Variants in EFCAB13 observed in about 807,000 individuals in gnomAD.
EFCAB13 encodes EF-hand calcium binding domain 13.
A neutral mutation model predicts 110.2 loss-of-function variants in EFCAB13; 91 were observed. The ratio of observed to expected loss-of-function variants is 0.83; its 90% CI spans 0.70 to 0.98. The LOEUF (loss-of-function observed/expected upper bound fraction) is 0.98, where lower values mean the gene tolerates loss of function less well. EFCAB13 is among the 50% of genes least tolerant of loss of function. EFCAB13 has a pLI of 0.00. For missense variants in EFCAB13, 968 were observed against 1,119.4 expected (o/e 0.86, Z 1.93); for synonymous variants, 323 against 369.9 (o/e 0.87, Z 1.45).
chr17:47,424,573 C>T (rs992355421), intron 23 of EFCAB13, among the ~76,000 whole-genome samples: 4 of 152,112 alleles, frequency 2.6e-5, no homozygotes, highest in African/African-American at 7.2e-5. Context: ...CAGTTGCTTT[C>T]ATCACAGCCT....
chr17:47,325,939 T>TATAAACAAA (rs2065282146), intron 2 of EFCAB13, among the ~76,000 whole-genome samples: 1 of 50,610 alleles, frequency 2.0e-5, no homozygotes, highest in East Asian at 5.6e-4. Context: ...TATATATATA[T>TATAAACAAA]ATATATATAT....
intron 24 of EFCAB13, among the ~76,000 whole-genome samples, chr17:47,437,227 G>A (rs142576386): frequency 6.6e-6 from 1 of 152,184 alleles, no homozygotes; most frequent in Admixed American, 6.5e-5. Flanking sequence ...AATAGAATGT[G>A]TCTTCTGCAG....
At chr17:47,360,129 G>C (rs2065504668) in intron 9 of EFCAB13, among the ~76,000 whole-genome samples, 1 of 152,048 alleles carries the variant, frequency 6.6e-6, no homozygotes, top group African/African-American at 2.4e-5. Context: ...ATAGTCCTTT[G>C]GGTATATACC....
At chr17:47,397,740 CGCCCCGTCT>C (rs2065750195) in intron 17 of EFCAB13, among the ~76,000 whole-genome samples, 1 of 151,440 alleles carries the variant, frequency 6.6e-6, no homozygotes, top group Non-Finnish European at 1.5e-5. Flanking sequence ...TCTGCCCGGC[CGCCCCGTCT>C]GAGAAGTGAG....
intron 23 of EFCAB13, among the ~76,000 whole-genome samples, chr17:47,428,285 A>G (rs1905027046): frequency 6.6e-6 from 1 of 152,006 alleles, no homozygotes; most frequent in Non-Finnish European, 1.5e-5. Context: ...GTAGTGTTCT[A>G]TGGCTCACAT....
At chr17:47,334,779 A>G (rs1373736888) in intron 4 of EFCAB13, among the ~76,000 whole-genome samples, 1 of 151,928 alleles carries the variant, frequency 6.6e-6, no homozygotes, top group Non-Finnish European at 1.5e-5. Flanking sequence ...GCCACGCATG[A>G]TGGTGCATGT....
intron 5 of EFCAB13, among the ~76,000 whole-genome samples, chr17:47,337,334 A>G (rs759043709): frequency 1.3e-5 from 2 of 152,192 alleles, no homozygotes; most frequent in African/African-American, 4.8e-5. Flanking sequence ...ACATGGACAT[A>G]CAGAGTAGAA....
At chr17:47,414,156 A>T (rs1904342813) in intron 22 of EFCAB13, among the ~76,000 whole-genome samples, 1 of 151,838 alleles carries the variant, frequency 6.6e-6, no homozygotes, top group Non-Finnish European at 1.5e-5. Context: ...TTTTGTTTAA[A>T]CTCAAAGTCT....
intron 14 of EFCAB13, 36 bp downstream of exon 14, chr17:47,379,289 G>A (rs747844662): frequency 2.6e-6 from 4 of 1,510,878 alleles, no homozygotes; most frequent in Non-Finnish European, 3.7e-6. Context: ...GATTTAGAGG[G>A]AAGAGCAGTG....
At chr17:47,419,827 TC>T (rs1186350053) in intron 23 of EFCAB13, among the ~76,000 whole-genome samples, 1 of 152,100 alleles carries the variant, frequency 6.6e-6, no homozygotes, top group African/African-American at 2.4e-5. Flanking sequence ...AACATTGTAT[TC>T]TATATTAAAG....
Position 47,429,843 on chromosome 17 carries a change from CCAAATTCTCCAGAATGATCTAGTTGA to C in EFCAB13, c.2521_2546del (p.Gln841CysfsTer3), listed in dbSNP as rs769392522. On this transcript the variant is annotated frameshift_variant, in exon 24 of 25. Coordinates refer to ENST00000331493, the MANE Select transcript of EFCAB13 (RefSeq NM_152347.5). LOFTEE classifies it high-confidence loss of function. ...CTACACAGATACTCTTAGCTACTACCCAAATTCTCCAGAATGATCTAGTTGATGTCTCTGACCTCAAGACATTATTG... is the reference window on the plus strand; with the variant it reads ...CTACACAGATACTCTTAGCTACTACCTGTCTCTGACCTCAAGACATTATTG... 1.2e-6 allele frequency: 2 copies of C among 1,608,008 alleles called. No individual in the cohort carries two copies. The highest frequency in any genetic ancestry group is 1.7e-6 in the Non-Finnish European group (2 of 1,176,356).
At chr17:47,410,127 AAAAG>A (rs2143463663) in intron 21 of EFCAB13, among the ~76,000 whole-genome samples, 1 of 152,238 alleles carries the variant, frequency 6.6e-6, no homozygotes, top group East Asian at 1.9e-4. Flanking sequence ...ATAAAAAAAA[AAAAG>A]AGATTCATTT....
Position 47,380,343 on chromosome 17 carries a change from T to C in EFCAB13, c.1582+1090T>C, listed in dbSNP as rs1431929361. Among the ~76,000 whole-genome samples the C allele has an allele frequency of 2.0e-5, 3 of 152,164 alleles. No homozygotes were observed. The East Asian group carries it at 5.8e-4, about 29-fold the overall frequency. ...AGAACATGTGGTGTTTGGTTTTCTG[T>C]TCCTGCGTTAGTTTGCTGAGGATGA... On this transcript the variant is annotated intron_variant, in intron 14 of 24. Coordinates refer to ENST00000331493, the MANE Select transcript of EFCAB13 (RefSeq NM_152347.5).
chr17:47,397,149 T>C (rs1043177793), intron 17 of EFCAB13, among the ~76,000 whole-genome samples: 1 of 149,880 alleles, frequency 6.7e-6, no homozygotes. Context: ...GTGCCTGCAA[T>C]TGCAGGCGCG....
intron 9 of EFCAB13, among the ~76,000 whole-genome samples, chr17:47,358,788 A>G (rs75843453): frequency 2.0e-5 from 3 of 152,172 alleles, no homozygotes; most frequent in African/African-American, 4.8e-5. Flanking sequence ...CTGGTTTTCA[A>G]TGCTCCAGGG....
intron 9 of EFCAB13, among the ~76,000 whole-genome samples, chr17:47,356,977 T>C (rs976742074): frequency 6.6e-6 from 1 of 152,200 alleles, no homozygotes; most frequent in African/African-American, 2.4e-5. Context: ...TGGCTGCCTC[T>C]GCTGCCTGAC....
intron 24 of EFCAB13, among the ~76,000 whole-genome samples, chr17:47,439,995 C>A (rs1168298852): frequency 2.6e-5 from 4 of 151,958 alleles, no homozygotes; most frequent in Non-Finnish European, 4.4e-5. Context: ...TACTTTAACA[C>A]ATGTATGAGT....
chr17:47,394,014 T>A lies in EFCAB13; in HGVS notation c.1727-11T>A. 2 of 1,518,444 alleles carry A rather than the reference T, an allele frequency of 1.3e-6. No individual in the cohort carries two copies. The highest frequency in any genetic ancestry group is 1.8e-6 in the Non-Finnish European group (2 of 1,129,670). 94.1% of individuals were successfully genotyped at this position (1,518,444 alleles called of 1,614,324 possible). A position where few individuals can be genotyped will look rare whatever the true frequency, so the allele number is the denominator to read the frequency against. On this transcript the variant is annotated splice_polypyrimidine_tract_variant and intron_variant, in intron 15 of 24. Coordinates refer to ENST00000331493, the MANE Select transcript of EFCAB13 (RefSeq NM_152347.5). ...AAAGATGCCAAAAAAATGTGTTTCT[T>A]TTTCCTGTAGAAACAAAAAAAGTGA...
chr17:47,424,811 A>G (rs1175522404), intron 23 of EFCAB13, among the ~76,000 whole-genome samples: 1 of 138,500 alleles, frequency 7.2e-6, no homozygotes, highest in African/African-American at 2.7e-5. Flanking sequence ...TTCTCATACC[A>G]CCAATCCTGA....
Sources: allele counts gnomAD v4.1 joint callset (sites outside exome capture counted in the v4.1 genomes callset), GRCh38; gene constraint gnomAD v4.1.1; transcripts MANE v1.5; gene names NCBI Gene and HGNC (gene_info 2026-07-23, HGNC 2026-07-21).